C13orf42: variants seen among roughly 807,000 people sequenced by gnomAD.
The protein encoded by C13orf42 is chromosome 13 open reading frame 42.
At chr13:51,107,310 T>C (rs1032692970) in intron 1 of C13orf42, among the ~76,000 whole-genome samples, 3 of 152,250 alleles carry the variant, frequency 2.0e-5, no homozygotes, top group Admixed American at 2.0e-4. Context: ...CATGACAATT[T>C]TTTTAAAAAA....
chr13:51,126,513 G>C (rs1002426696), intron 1 of C13orf42, among the ~76,000 whole-genome samples: 1 of 152,164 alleles, frequency 6.6e-6, no homozygotes, highest in Non-Finnish European at 1.5e-5. Context: ...AATTTAAAAA[G>C]CATTACCTTC....
intron 1 of C13orf42, among the ~76,000 whole-genome samples, chr13:51,101,551 C>A (rs1593533161): frequency 6.6e-6 from 1 of 152,320 alleles, no homozygotes; most frequent in East Asian, 1.9e-4. Flanking sequence ...ACACCTATGA[C>A]TTTTCCAGAT....
At chr13:51,092,366 T>C (rs1373420950) in intron 1 of C13orf42, among the ~76,000 whole-genome samples, 1 of 152,246 alleles carries the variant, frequency 6.6e-6, no homozygotes, top group Non-Finnish European at 1.5e-5. Flanking sequence ...GAATAGGATT[T>C]ATTCATTTGA....
chr13:51,151,876 A>G (rs560662916), intron 1 of C13orf42, among the ~76,000 whole-genome samples: 209 of 152,298 alleles, frequency 1.4e-3, no homozygotes, highest in African/African-American at 4.7e-3. Flanking sequence ...TTATTTAGAC[A>G]TGAATGCTGA....
chr13:51,142,780 G>T (rs1428664884), intron 1 of C13orf42, among the ~76,000 whole-genome samples: 1 of 151,742 alleles, frequency 6.6e-6, no homozygotes, highest in Non-Finnish European at 1.5e-5. Flanking sequence ...AGGTAAAAAA[G>T]CTTAAAGAAA....
intron 1 of C13orf42, among the ~76,000 whole-genome samples, chr13:51,133,091 C>G (rs970433921): frequency 6.6e-6 from 1 of 152,200 alleles, no homozygotes; most frequent in African/African-American, 2.4e-5. Context: ...AATGGGCAAC[C>G]AGCAGCTTTC....
chr13:51,153,621 G>GTTTTTTTTTTT lies in C13orf42; in HGVS notation n.136+18631_136+18632insAAAAAAAAAAA, dbSNP rs1202370498. Among the ~76,000 whole-genome samples the GTTTTTTTTTTT allele has an allele frequency of 2.4e-3, 195 of 81,976 alleles. 3 individuals carry two copies. The highest frequency in any genetic ancestry group is 5.8e-3 in the East Asian group (17 of 2,944). 53.8% of individuals were successfully genotyped at this position (81,976 alleles called of 152,430 possible). A position where few individuals can be genotyped will look rare whatever the true frequency, so the allele number is the denominator to read the frequency against. ...TTATCAACCCATTTTCTTGCTTTCT[G>GTTTTTTTTTTT]TTTTTTTTCTTTTTTTTTTTTTTTT... On this transcript the variant is annotated intron_variant and non_coding_transcript_variant, in intron 1 of 4. Transcript: ENST00000433280.
upstream of C13orf42, among the ~76,000 whole-genome samples, chr13:51,113,683 G>A (rs1251583968): frequency 2.0e-5 from 3 of 152,010 alleles, no homozygotes; most frequent in South Asian, 4.2e-4. Flanking sequence ...CTCCTGCCTC[G>A]GCCTCCAAAA....
intron 1 of C13orf42, among the ~76,000 whole-genome samples, chr13:51,170,610 T>C (rs1953940924): frequency 6.6e-6 from 1 of 152,132 alleles, no homozygotes; most frequent in Non-Finnish European, 1.5e-5. Context: ...AGAGACATGT[T>C]TTATCCATGA....
chr13:51,129,175 C>T (rs1274072237), intron 1 of C13orf42, among the ~76,000 whole-genome samples: 6 of 152,186 alleles, frequency 3.9e-5, no homozygotes, highest in African/African-American at 4.8e-5. Flanking sequence ...CAGGGCCAGC[C>T]GCAGTGACAA....
chr13:51,095,293 G>C (rs1042366467), intron 1 of C13orf42, among the ~76,000 whole-genome samples: 2 of 134,434 alleles, frequency 1.5e-5, no homozygotes, highest in Non-Finnish European at 3.1e-5. Context: ...GATATATGTA[G>C]GTTTTATCAC....
intron 1 of C13orf42, among the ~76,000 whole-genome samples, chr13:51,134,479 T>C (rs1953642222): frequency 6.6e-6 from 1 of 152,200 alleles, no homozygotes; most frequent in Admixed American, 6.5e-5. Flanking sequence ...GTCAGTGATC[T>C]TCCTACAAAC....
At chr13:51,133,240 G>C (rs1953632701) in intron 1 of C13orf42, among the ~76,000 whole-genome samples, 1 of 152,106 alleles carries the variant, frequency 6.6e-6, no homozygotes, top group Admixed American at 6.5e-5. Context: ...ATCTGGATTG[G>C]TACCCCTTTC....
intron 1 of C13orf42, among the ~76,000 whole-genome samples, chr13:51,119,493 G>A (rs1953516680): frequency 1.3e-5 from 2 of 152,058 alleles, no homozygotes; most frequent in South Asian, 2.1e-4. Context: ...GCCAAGAGGT[G>A]GAAGCAACCC....
chr13:51,167,557 T>C (rs1953912448), intron 1 of C13orf42, among the ~76,000 whole-genome samples: 1 of 152,186 alleles, frequency 6.6e-6, no homozygotes, highest in Admixed American at 6.5e-5. Flanking sequence ...ACAGGGTCCC[T>C]GATGGTGGTG....
At chr13:51,140,962 G>GT (rs1407470020) in intron 1 of C13orf42, among the ~76,000 whole-genome samples, 1 of 152,044 alleles carries the variant, frequency 6.6e-6, no homozygotes, top group Non-Finnish European at 1.5e-5. Flanking sequence ...CATAATTTGT[G>GT]TGATTATTGT....
At chr13:51,158,788 T>A (rs1953841996) in intron 1 of C13orf42, among the ~76,000 whole-genome samples, 2 of 152,260 alleles carry the variant, frequency 1.3e-5, no homozygotes. Flanking sequence ...TTTAACTGAA[T>A]TGATGGGTGT....
chr13:51,087,102 T>C (rs1484387539), intron 2 of C13orf42, among the ~76,000 whole-genome samples: 1 of 152,214 alleles, frequency 6.6e-6, no homozygotes, highest in Non-Finnish European at 1.5e-5. Flanking sequence ...ATTTACACCA[T>C]GGTGGGCAAG....
intron 1 of C13orf42, among the ~76,000 whole-genome samples, chr13:51,160,378 C>T (rs543153141): frequency 6.6e-6 from 1 of 152,162 alleles, no homozygotes; most frequent in African/African-American, 2.4e-5. Context: ...CGCATGGTGG[C>T]GCAAGCCTGT....
Sources: gnomAD v4.1 joint callset for allele counts (sites outside exome capture counted in the v4.1 genomes callset) on GRCh38, gnomAD v4.1.1 for gene constraint, MANE v1.5 for transcripts, NCBI Gene and HGNC (gene_info 2026-07-23, HGNC 2026-07-21) for gene names.